Variants in SLC5A1 observed in about 807,000 individuals in gnomAD.
The protein encoded by SLC5A1 is solute carrier family 5 member 1.
SLC5A1 carries 42 observed loss-of-function variants against 73.5 expected under a neutral mutation model. The observed-to-expected ratio is 0.57, with a 90% CI of 0.45 to 0.74. The LOEUF (loss-of-function observed/expected upper bound fraction) is 0.74. SLC5A1 is among the 30% of genes least tolerant of loss of function. The probability of loss-of-function intolerance (pLI) is 0.00; values close to 1 mark genes in which losing one functional copy is unlikely to be tolerated. For synonymous variants in SLC5A1, 300 were observed against 317.4 expected (o/e 0.95, Z 0.58); for missense variants, 634 against 855.4 (o/e 0.74, Z 3.23).
intron 2 of SLC5A1, among the ~76,000 whole-genome samples, chr22:32,054,134 T>C (rs749959846): frequency 8.5e-5 from 13 of 152,154 alleles, no homozygotes; most frequent in Non-Finnish European, 1.6e-4. Context: ...GATCGCACCA[T>C]TGCACTCCAG....
rs8135210 is a variant in SLC5A1, at chr22:32,044,967, C to T, written c.135+1551C>T. On this transcript the variant is annotated intron_variant, in intron 1 of 14. Transcript: ENST00000266088. ...GTATATTTTTACAAAAGCCACAAGA[C>T]AGGGAAGGCCAGAATGCTAATCCCC... Among the ~76,000 whole-genome samples the T allele has an allele frequency of 3.1e-3, 471 of 152,286 alleles. 2 individuals carry two copies. Among genetic ancestry groups the T allele is most frequent in the African/African-American group, 0.011 (456 of 41,550 alleles).
Position 32,102,046 on chromosome 22 carries a change from G to A in SLC5A1, c.1474G>A (p.Gly492Arg). The part of the protein sequence containing the change: ...EPGAFWGLIL[G>R]LLIGISRMIT... ...GGGAGCCTTTTGGGGACTGATCCTA[G>A]GACTTCTGATTGGGATTTCACGTAT... Residue 492 changes from glycine to arginine, a missense_variant, in exon 13 of 15, where the codon GGA becomes AGA. By Grantham distance (125) the Gly-to-Arg change is moderately radical (BLOSUM62 -2). Transcript: ENST00000266088. 5 of 1,614,070 alleles carry A rather than the reference G, an allele frequency of 3.1e-6. No homozygotes were observed. Among genetic ancestry groups the A allele is most frequent in the Non-Finnish European group, 4.2e-6 (5 of 1,179,982 alleles).
chr22:32,091,339 ACACCC>A (rs1461225049), intron 10 of SLC5A1, among the ~76,000 whole-genome samples: 33 of 128,610 alleles, frequency 2.6e-4, no homozygotes, highest in Admixed American at 7.5e-4. Flanking sequence ...ACACACACAC[ACACCC>A]CACCACCTTC....
intron 5 of SLC5A1, among the ~76,000 whole-genome samples, chr22:32,069,157 T>A (rs566485250): frequency 6.6e-6 from 1 of 152,098 alleles, no homozygotes; most frequent in Non-Finnish European, 1.5e-5. Context: ...CTGAAGAACA[T>A]TGTGTTAAGT....
At chr22:32,047,043 T>C (rs2093938085) in intron 1 of SLC5A1, among the ~76,000 whole-genome samples, 2 of 152,180 alleles carry the variant, frequency 1.3e-5, no homozygotes, top group Admixed American at 6.5e-5. Context: ...AAAATTGTAA[T>C]GGCTGTGAAC....
intron 1 of SLC5A1, 127 bp from the exon 2 acceptor site, chr22:32,049,816 G>A (rs957976110): frequency 2.5e-6 from 2 of 807,284 alleles, no homozygotes; most frequent in Non-Finnish European, 4.4e-6. Flanking sequence ...AGGGGAAGAA[G>A]GAATGTGAAA....
At chr22:32,066,426 C>T (rs78399854) in intron 2 of SLC5A1, among the ~76,000 whole-genome samples, 4,534 of 152,280 alleles carry the variant, frequency 0.03, 208 homozygotes, top group African/African-American at 0.097. Context: ...ATCAGCTCCA[C>T]GCCCCTCCTC....
intron 9 of SLC5A1, 84 bp from the exon 10 acceptor site, chr22:32,086,136 G>C: frequency 1.2e-6 from 1 of 845,180 alleles, no homozygotes; most frequent in Non-Finnish European, 2.0e-6. Flanking sequence ...GTGAGACTCC[G>C]TCTCAAAAAA....
intron 10 of SLC5A1, among the ~76,000 whole-genome samples, chr22:32,086,833 G>A (rs988619467): frequency 3.9e-5 from 6 of 152,118 alleles, no homozygotes; most frequent in East Asian, 1.9e-4. Flanking sequence ...TAGTCAAGAT[G>A]TGGAATCAAT....
chr22:32,110,510 C>T lies in SLC5A1; in HGVS notation c.*297C>T, dbSNP rs530255209. On this transcript the variant is annotated 3_prime_UTR_variant, in exon 15 of 15. Coordinates refer to ENST00000266088, the MANE Select transcript of SLC5A1 (RefSeq NM_000343.4). ...CAGAAGCCATGTGATTGATGTCTGA[C>T]GTGAGTCTGTCTCAGGTAGATTCCG... 40 of 460,898 alleles carry T rather than the reference C, an allele frequency of 8.7e-5. No homozygotes were observed. Among genetic ancestry groups the T allele is most frequent in the South Asian group, 7.5e-4 (36 of 48,224 alleles). 28.6% of individuals were successfully genotyped at this position (460,898 alleles called of 1,614,324 possible). A position where few individuals can be genotyped will look rare whatever the true frequency, so the allele number is the denominator to read the frequency against.
At chr22:32,097,564 A>T (rs2081624869) in intron 11 of SLC5A1, among the ~76,000 whole-genome samples, 1 of 152,230 alleles carries the variant, frequency 6.6e-6, no homozygotes, top group Admixed American at 6.5e-5. Context: ...AATACCTGGT[A>T]GTGTTTCTTC....
chr22:32,052,316 T>C (rs1265732508), intron 2 of SLC5A1, among the ~76,000 whole-genome samples: 1 of 152,198 alleles, frequency 6.6e-6, no homozygotes, highest in Non-Finnish European at 1.5e-5. Context: ...GGACAGGTTC[T>C]CAAACTTTTC....
intron 9 of SLC5A1, 33 bp downstream of exon 9, chr22:32,085,068 T>G: frequency 6.2e-7 from 1 of 1,613,466 alleles, no homozygotes; most frequent in Non-Finnish European, 8.5e-7. Flanking sequence ...CAAACCACTC[T>G]CCCTTTTTCT....
intron 11 of SLC5A1, among the ~76,000 whole-genome samples, chr22:32,092,998 C>A (rs1027512962): frequency 1.3e-5 from 2 of 152,154 alleles, no homozygotes; most frequent in Non-Finnish European, 2.9e-5. Context: ...AGATGAGTAT[C>A]CAGTTTTATT....
rs763647459 is a variant in SLC5A1 at position 32,109,976 on chromosome 22, ATGCCTT to A, written c.1772-9_1772-4del. ...TGCTTCTGTGTCCAATAATTCTTCT[ATGCCTT>A]TGCCCAGAAACACAAGTTCCTGAGA... On this transcript the variant is annotated splice_polypyrimidine_tract_variant and splice_region_variant and intron_variant, in intron 14 of 14. Coordinates refer to ENST00000266088, the MANE Select transcript of SLC5A1 (RefSeq NM_000343.4). 6.2e-7 allele frequency: 1 copy of A among 1,609,626 alleles called. No individual in the cohort carries two copies. The highest frequency in any genetic ancestry group is 2.2e-5 in the East Asian group (1 of 44,870).
chr22:32,091,519 G>A, intron 10 of SLC5A1, 93 bp from the exon 11 acceptor site: 1 of 1,444,954 alleles, frequency 6.9e-7, no homozygotes, highest in South Asian at 1.2e-5. Flanking sequence ...CATGGTTTCA[G>A]AAGGCAAACA....
intron 11 of SLC5A1, among the ~76,000 whole-genome samples, chr22:32,092,656 A>AT (rs1486103937): frequency 2.0e-5 from 3 of 151,698 alleles, no homozygotes. Flanking sequence ...TAAGGTGATT[A>AT]TTTTTTCCTT....
intron 2 of SLC5A1, among the ~76,000 whole-genome samples, chr22:32,066,209 A>G (rs2093972803): frequency 6.6e-6 from 1 of 152,034 alleles, no homozygotes. Context: ...TGTGCTTCCA[A>G]TCTGTCTTCT....
intron 2 of SLC5A1, among the ~76,000 whole-genome samples, chr22:32,056,909 A>G (rs753879156): frequency 4.6e-5 from 7 of 152,252 alleles, no homozygotes; most frequent in Middle Eastern, 3.2e-3. Context: ...AAAAGCATCA[A>G]TACTTCTTCA....
Sources: allele counts gnomAD v4.1 joint callset (sites outside exome capture counted in the v4.1 genomes callset), GRCh38; gene constraint gnomAD v4.1.1; transcripts MANE v1.5; gene names NCBI Gene and HGNC (gene_info 2026-07-23, HGNC 2026-07-21).